SYTL5: variants seen among roughly 807,000 people sequenced by gnomAD.
SYTL5 encodes synaptotagmin like 5.
In SYTL5, 34 loss-of-function variants were observed where a neutral mutation model predicts 55.9. The ratio of observed to expected loss-of-function variants is 0.61; its 90% CI spans 0.46 to 0.81. The LOEUF (loss-of-function observed/expected upper bound fraction) is 0.81. SYTL5 is among the 30% of genes least tolerant of loss of function. SYTL5 has a pLI of 0.00. For missense variants in SYTL5, 637 were observed against 546.7 expected (o/e 1.17, Z -1.65); for synonymous variants, 221 against 188.7 (o/e 1.17, Z -1.40).
chrX:38,097,396 GTATT>G (rs1345715791), intron 9 of SYTL5, among the ~76,000 whole-genome samples: 1 of 110,036 alleles, frequency 9.1e-6, no homozygotes, highest in Non-Finnish European at 1.9e-5. Flanking sequence ...AAAATCAACT[GTATT>G]TATATATACT....
the SYTL5 span, among the ~76,000 whole-genome samples, chrX:37,955,668 G>T: frequency 1.2e-4 from 13 of 112,043 alleles, no homozygotes; most frequent in Admixed American, 1.2e-3. Context: ...TGTAAAGAAA[G>T]TTCTAGGTTT....
At chrX:37,952,211 G>T in the SYTL5 span, among the ~76,000 whole-genome samples, 3 of 111,210 alleles carry the variant, frequency 2.7e-5, no homozygotes, top group Admixed American at 9.6e-5. Flanking sequence ...AAATTAACTG[G>T]CTTAAAACAA....
chrX:38,038,269 C>T (rs1410711067), intron 2 of SYTL5, among the ~76,000 whole-genome samples: 2 of 111,843 alleles, frequency 1.8e-5, no homozygotes, highest in Non-Finnish European at 3.8e-5. Flanking sequence ...ATAAAGCTGG[C>T]TATAGCCCCC....
chrX:38,038,626 A>G (rs775820411), intron 2 of SYTL5, among the ~76,000 whole-genome samples: 4 of 112,154 alleles, frequency 3.6e-5, no homozygotes, highest in African/African-American at 1.3e-4. Context: ...AGAAAAGGTG[A>G]ACGTTTGTGC....
chrX:38,040,847 C>T (rs968286171), intron 2 of SYTL5, among the ~76,000 whole-genome samples: 2 of 111,735 alleles, frequency 1.8e-5, no homozygotes, highest in African/African-American at 6.5e-5. Context: ...AGTGGGATTG[C>T]TGGATCATAT....
intron 1 of SYTL5, among the ~76,000 whole-genome samples, chrX:38,014,471 T>C (rs898573048): frequency 1.8e-5 from 2 of 112,315 alleles, no homozygotes; most frequent in East Asian, 2.8e-4. Context: ...AAAAGGTATC[T>C]GAGACAGGTC....
chrX:38,085,880 C>T (rs1335564063), intron 6 of SYTL5, among the ~76,000 whole-genome samples: 2 of 111,050 alleles, frequency 1.8e-5, no homozygotes, highest in Non-Finnish European at 3.8e-5. Context: ...ATGGATGTAT[C>T]TGGGAAGCTG....
intron 13 of SYTL5, among the ~76,000 whole-genome samples, chrX:38,116,504 G>T (rs1258748021): frequency 8.9e-6 from 1 of 112,276 alleles, no homozygotes; most frequent in Non-Finnish European, 1.9e-5. Flanking sequence ...ATCATCATCA[G>T]AAGATTCTAA....
upstream of SYTL5, among the ~76,000 whole-genome samples, chrX:38,005,794 G>A (rs1450448984): frequency 8.9e-6 from 1 of 111,751 alleles, no homozygotes; most frequent in Non-Finnish European, 1.9e-5. Flanking sequence ...CTAGACTCAC[G>A]TTTTCGATTC....
At chrX:38,073,876 A>T (rs980836371) in intron 5 of SYTL5, among the ~76,000 whole-genome samples, 178 bp downstream of exon 5, 2 of 111,937 alleles carry the variant, frequency 1.8e-5, no homozygotes, top group Non-Finnish European at 3.8e-5. Flanking sequence ...ATAATTTTCA[A>T]TAAGTAAATA....
chrX:38,076,739 G>A lies in SYTL5; in HGVS notation c.689+38G>A, dbSNP rs758473803. ...CAGATTGAGCAATGATGTAGCCTGAGGTTAAGGTTGATATATTCCCATTCA... is the reference window on the plus strand; with the variant it reads ...CAGATTGAGCAATGATGTAGCCTGAAGTTAAGGTTGATATATTCCCATTCA... On this transcript the variant is annotated intron_variant, in intron 6 of 16. Transcript: ENST00000297875. 1.5e-5 allele frequency: 18 copies of A among 1,176,756 alleles called. No homozygotes were observed. The South Asian group carries it at 2.1e-4, about 14-fold the overall frequency.
chrX:37,947,114 C>T, the SYTL5 span, among the ~76,000 whole-genome samples: 1 of 111,286 alleles, frequency 9.0e-6, no homozygotes, highest in Admixed American at 9.6e-5. Flanking sequence ...ATTTCTCCCT[C>T]ACTTCTGAGG....
In SYTL5 at chrX:38,120,456, A is replaced by G; in HGVS notation, c.1695A>G (p.Glu565=). 8.4e-7 allele frequency: 1 copy of G among 1,193,908 alleles called. No homozygotes were observed. The highest frequency in any genetic ancestry group is 1.1e-6 in the Non-Finnish European group (1 of 879,225). ...AAGAGAACCTGATGCTTCCACCAGA[A>G]CAACTCCAAGGTAGAGTAAAAATCA... ...PPEENLMLPP[E]QLQGNKTFKK... is the part of the protein sequence containing the mutation. The change falls in exon 14 of 17, where the codon GAA becomes GAG. Residue 565 remains glutamate (E), a synonymous_variant. Transcript: ENST00000297875.
intron 2 of SYTL5, among the ~76,000 whole-genome samples, chrX:38,039,287 A>G (rs73632436): frequency 0.063 from 7,077 of 112,433 alleles, 193 homozygotes; most frequent in Middle Eastern, 0.11. Flanking sequence ...CAAGTCACTC[A>G]AATTTATTGA....
the SYTL5 span, among the ~76,000 whole-genome samples, chrX:37,951,920 C>A: frequency 9.0e-6 from 1 of 111,239 alleles, no homozygotes; most frequent in East Asian, 2.8e-4. Context: ...ATGGGCTAGA[C>A]ACAAGGAGAC....
At chrX:38,024,851 TA>T (rs1164874402) in intron 1 of SYTL5, among the ~76,000 whole-genome samples, 27 of 109,040 alleles carry the variant, frequency 2.5e-4, no homozygotes, top group Non-Finnish European at 3.5e-4. Flanking sequence ...ATTGTGAAAT[TA>T]AAAAAAAAAT....
chrX:38,078,701 CTCTA>C (rs1443002570), intron 6 of SYTL5, among the ~76,000 whole-genome samples: 52 of 112,395 alleles, frequency 4.6e-4, no homozygotes, highest in African/African-American at 1.5e-3. Context: ...CCGTAATGGA[CTCTA>C]TCTGCCTCAG....
chrX:37,889,587 G>T, the SYTL5 span, among the ~76,000 whole-genome samples: 1 of 111,330 alleles, frequency 9.0e-6, no homozygotes, highest in Non-Finnish European at 1.9e-5. Context: ...GGGCTTGAGT[G>T]GGGGGGATAA....
chrX:37,988,715 A>G, the SYTL5 span, among the ~76,000 whole-genome samples: 4 of 112,515 alleles, frequency 3.6e-5, no homozygotes, highest in South Asian at 1.5e-3. Flanking sequence ...AACTATTGAT[A>G]GAAATAAAAT....
Sources: allele counts gnomAD v4.1 joint callset (sites outside exome capture counted in the v4.1 genomes callset), GRCh38; gene constraint gnomAD v4.1.1; transcripts MANE v1.5; gene names NCBI Gene and HGNC (gene_info 2026-07-23, HGNC 2026-07-21).